Variants in ELAVL2 observed in about 807,000 individuals in gnomAD.
ELAVL2 encodes the protein ELAV-like protein 2.
Under a neutral mutation model 34.6 loss-of-function variants are expected in ELAVL2, and 4 were observed. That is an observed-to-expected ratio of 0.12 (90% CI 0.06 to 0.26). The LOEUF is 0.26. Among genes scored for constraint, ELAVL2 ranks in the 10% least tolerant of loss-of-function variants. ELAVL2 has a pLI of 1.00. For missense variants in ELAVL2, 432 were observed against 442.8 expected (o/e 0.98, Z 0.22); for synonymous variants, 193 against 154.8 (o/e 1.25, Z -1.83).
intron 1 of ELAVL2, chr9:23,783,534 A>G: frequency 1.0e-6 from 1 of 984,506 alleles, no homozygotes; most frequent in South Asian, 4.7e-5. Context: ...GGAGCTTTCA[A>G]ATAAGGCTTT....
At chr9:23,850,579 C>G in the ELAVL2 span, among the ~76,000 whole-genome samples, 4 of 151,682 alleles carry the variant, frequency 2.6e-5, no homozygotes, top group South Asian at 8.4e-4. Flanking sequence ...TGTGACAGCG[C>G]TACCTCTTTG....
At chr9:23,784,433 A>G (rs963549484) in intron 1 of ELAVL2, among the ~76,000 whole-genome samples, 7 of 152,226 alleles carry the variant, frequency 4.6e-5, no homozygotes, top group African/African-American at 1.4e-4. Flanking sequence ...AAAGATAAAC[A>G]TGACTACATA....
At chr9:23,785,047 AATAG>A (rs1034565518) in intron 1 of ELAVL2, among the ~76,000 whole-genome samples, 18 of 152,242 alleles carry the variant, frequency 1.2e-4, no homozygotes, top group Non-Finnish European at 1.5e-5. Flanking sequence ...TGACAGTGAT[AATAG>A]ATAATGTGTC....
At chr9:23,739,079 C>T (rs925649312) in intron 2 of ELAVL2, among the ~76,000 whole-genome samples, 1 of 151,928 alleles carries the variant, frequency 6.6e-6, no homozygotes, top group Non-Finnish European at 1.5e-5. Context: ...TAAATTCTTG[C>T]CAAGTATTAC....
intron 2 of ELAVL2, among the ~76,000 whole-genome samples, chr9:23,734,326 T>A (rs1218269167): frequency 1.3e-5 from 2 of 152,234 alleles, no homozygotes; most frequent in Non-Finnish European, 2.9e-5. Flanking sequence ...GGTATTTTAC[T>A]GTTTAATTGT....
chr9:23,696,671 C>T (rs759567830), intron 5 of ELAVL2, among the ~76,000 whole-genome samples: 1 of 151,990 alleles, frequency 6.6e-6, no homozygotes, highest in Non-Finnish European at 1.5e-5. Flanking sequence ...CGGGGTTTCA[C>T]CATTTAGCCA....
chr9:23,733,495 G>C (rs2047106900), intron 2 of ELAVL2, among the ~76,000 whole-genome samples: 1 of 152,282 alleles, frequency 6.6e-6, no homozygotes, highest in South Asian at 2.1e-4. Context: ...GGGGCTGCTG[G>C]GAGGTCTAAG....
chr9:23,803,692 T>A (rs1345304083), intron 1 of ELAVL2, among the ~76,000 whole-genome samples: 1 of 152,168 alleles, frequency 6.6e-6, no homozygotes, highest in African/African-American at 2.4e-5. Context: ...AACTTTTTCC[T>A]TACATGCTAG....
At chr9:23,760,215 G>A (rs1391830758) in intron 2 of ELAVL2, among the ~76,000 whole-genome samples, 4 of 151,992 alleles carry the variant, frequency 2.6e-5, no homozygotes, top group Admixed American at 2.6e-4. Context: ...GATGTCTCCT[G>A]TGGCAGATGC....
chr9:23,792,133 T>C (rs567967572), intron 1 of ELAVL2, among the ~76,000 whole-genome samples: 1 of 152,224 alleles, frequency 6.6e-6, no homozygotes, highest in Non-Finnish European at 1.5e-5. Context: ...ACATGAAACA[T>C]TCAACACTTT....
chr9:23,792,735 T>A (rs2060469182), intron 1 of ELAVL2, among the ~76,000 whole-genome samples: 2 of 152,160 alleles, frequency 1.3e-5, no homozygotes, highest in Admixed American at 1.3e-4. Flanking sequence ...ATCCTCTGAA[T>A]CTGTTGCATT....
intron 1 of ELAVL2, among the ~76,000 whole-genome samples, chr9:23,774,137 G>C (rs1260296413): frequency 7.0e-6 from 1 of 143,376 alleles, no homozygotes; most frequent in Non-Finnish European, 1.5e-5. Context: ...CATGAACCCA[G>C]GAGGCAGAGC....
rs141848554 is a variant in ELAVL2 at position 23,734,264 on chromosome 9, G to C, written c.230-3139C>G. Among the ~76,000 whole-genome samples the C allele has an allele frequency of 7.9e-5, 12 of 152,236 alleles. No homozygotes were observed. In the East Asian group the frequency reaches 2.3e-3, roughly 29 times the overall value. On this transcript the variant is annotated intron_variant, in intron 2 of 6. Coordinates refer to ENST00000397312, the MANE Select transcript of ELAVL2 (RefSeq NM_004432.5). ...ATGTTTAAAATATATTAAGGGTATC[G>C]CAGATGATACCAAGATAGGCAAGCC...
At chr9:23,748,970 TG>T (rs1243296221) in intron 2 of ELAVL2, among the ~76,000 whole-genome samples, 1 of 152,038 alleles carries the variant, frequency 6.6e-6, no homozygotes, top group Non-Finnish European at 1.5e-5. Flanking sequence ...TACCAAAGGC[TG>T]GGAGCAAAGG....
At chr9:23,789,804 AAC>A (rs1046086746) in intron 1 of ELAVL2, among the ~76,000 whole-genome samples, 12 of 152,008 alleles carry the variant, frequency 7.9e-5, no homozygotes, top group Non-Finnish European at 1.2e-4. Flanking sequence ...ATGGTTGCAA[AAC>A]AGTTAGCTTC....
intron 1 of ELAVL2, among the ~76,000 whole-genome samples, chr9:23,793,892 A>G (rs1432163293): frequency 6.6e-6 from 1 of 151,880 alleles, no homozygotes; most frequent in East Asian, 1.9e-4. Context: ...ATCTTCTCTA[A>G]TAAATTTTGC....
At chr9:23,737,028 C>G (rs1008268752) in intron 2 of ELAVL2, among the ~76,000 whole-genome samples, 12 of 152,172 alleles carry the variant, frequency 7.9e-5, no homozygotes, top group Non-Finnish European at 1.8e-4. Flanking sequence ...CCAGTGCACA[C>G]TGTACAGTGC....
At chr9:23,700,151 A>G (rs922195195) in intron 5 of ELAVL2, among the ~76,000 whole-genome samples, 5 of 152,326 alleles carry the variant, frequency 3.3e-5, no homozygotes, top group South Asian at 2.1e-4. Flanking sequence ...ATTTGTGATT[A>G]TATTTTTGGT....
At chr9:23,694,210 T>G (rs557148007) in intron 5 of ELAVL2, among the ~76,000 whole-genome samples, 1 of 151,730 alleles carries the variant, frequency 6.6e-6, no homozygotes, top group East Asian at 1.9e-4. Context: ...AGTGTCGTCC[T>G]ACTCAGTTTT....
Sources: allele counts gnomAD v4.1 joint callset (sites outside exome capture counted in the v4.1 genomes callset), GRCh38; gene constraint gnomAD v4.1.1; transcripts MANE v1.5; gene names NCBI Gene and HGNC (gene_info 2026-07-23, HGNC 2026-07-21).